UCK2: variants seen among roughly 807,000 people sequenced by gnomAD.
UCK2 encodes the protein cytidine monophosphokinase 2.
UCK2 carries 6 observed loss-of-function variants against 30.8 expected under a neutral mutation model. The observed-to-expected ratio is 0.19, with a 90% confidence interval of 0.11 to 0.38. The LOEUF (loss-of-function observed/expected upper bound fraction) is 0.38, where lower values mean the gene tolerates loss of function less well. Among genes scored for constraint, UCK2 ranks in the 10% least tolerant of loss-of-function variants. UCK2 has a pLI of 1.00. For synonymous variants in UCK2, 125 were observed against 133.6 expected (o/e 0.94, Z 0.45); for missense variants, 210 against 339.8 (o/e 0.62, Z 3.00).
At chr1:165,861,386 T>C (rs1253921469) in intron 1 of UCK2, among the ~76,000 whole-genome samples, 1 of 151,986 alleles carries the variant, frequency 6.6e-6, no homozygotes, top group East Asian at 1.9e-4. Flanking sequence ...CCCAGCACTT[T>C]GGGAGGCCGA....
chr1:165,828,312 C>T lies in UCK2; in HGVS notation c.99+380C>T, dbSNP rs115817317. ...TTTCCGCAGGATCCCCCACTAACCC[C>T]CGATGGACTCCCTCAAGCCCCGGTC... On this transcript the variant is annotated intron_variant, in intron 1 of 6. Transcript: ENST00000367879. Among the ~76,000 whole-genome samples, 1,516 of 152,286 alleles carry T rather than the reference C, an allele frequency of 1.0e-2. 18 individuals are homozygous for T. The highest frequency in any genetic ancestry group is 0.034 in the African/African-American group (1,412 of 41,568).
intron 1 of UCK2, among the ~76,000 whole-genome samples, chr1:165,862,782 A>G (rs1654951351): frequency 6.6e-6 from 1 of 152,188 alleles, no homozygotes; most frequent in African/African-American, 2.4e-5. Flanking sequence ...TGAGAATTTT[A>G]AAAAGTTCCC....
Position 165,909,261 on chromosome 1 carries a change from C to T in UCK2, c.*1438C>T, listed in dbSNP as rs506813. ...TGAAGGAGTTCTGATTATAGAGTCC[C>T]GAGCCTCAGTTTCTGACTGCAGAAG... On this transcript the variant is annotated 3_prime_UTR_variant, in exon 7 of 7. Coordinates refer to ENST00000367879, the MANE Select transcript of UCK2 (RefSeq NM_012474.5). 14,364 of 151,988 alleles carry T rather than the reference C, an allele frequency of 0.095. 951 individuals carry two copies. The highest frequency in any genetic ancestry group is 0.28 in the East Asian group (1,463 of 5,138). 9.4% of individuals were successfully genotyped at this position (151,988 alleles called of 1,614,324 possible).
intron 1 of UCK2, among the ~76,000 whole-genome samples, chr1:165,853,030 G>A (rs1014920252): frequency 6.6e-6 from 1 of 151,502 alleles, no homozygotes; most frequent in Non-Finnish European, 1.5e-5. Context: ...TACTTGTCAT[G>A]TGAATATCAA....
rs574888563 is a variant in UCK2, at chr1:165,850,679, C to T, written c.99+22747C>T. 1.9e-3 allele frequency among the ~76,000 whole-genome samples: 281 copies of T among 145,984 alleles called. 3 individuals are homozygous for T. Among genetic ancestry groups the T allele is most frequent in the African/African-American group, 7.1e-3 (277 of 39,092 alleles). On this transcript the variant is annotated intron_variant, in intron 1 of 6. Coordinates refer to ENST00000367879, the MANE Select transcript of UCK2 (RefSeq NM_012474.5). ...TGTTGCCCAGGCTGGAGTGCAGTGG[C>T]GAGATCTTGGCCCACTGCAAGCTCC...
chr1:165,907,915 T>C lies in UCK2; in HGVS notation c.*92T>C. The C allele has an allele frequency of 6.8e-7, 1 of 1,463,876 alleles. No homozygotes were observed. Among genetic ancestry groups the C allele is most frequent in the Non-Finnish European group, 9.1e-7 (1 of 1,097,938 alleles). The allele number at this position is 1,463,876 out of a possible 1,614,324, so 90.7% of individuals were successfully genotyped here. A position where few individuals can be genotyped will look rare whatever the true frequency, so the allele number is the denominator to read the frequency against. Reference sequence around the variant, plus strand: ...TCTGTACATACTGTTTCCTATGACATTACTGTATTTAAGAAAACACCATGG... The same window carrying C: ...TCTGTACATACTGTTTCCTATGACACTACTGTATTTAAGAAAACACCATGG... On this transcript the variant is annotated 3_prime_UTR_variant, in exon 7 of 7. Coordinates refer to ENST00000367879, the MANE Select transcript of UCK2 (RefSeq NM_012474.5).
chr1:165,905,150 T>C (rs1344909584), intron 5 of UCK2, among the ~76,000 whole-genome samples: 3 of 152,222 alleles, frequency 2.0e-5, no homozygotes, highest in African/African-American at 7.2e-5. Flanking sequence ...GACCATGTTC[T>C]CTGCATAGGT....
At chr1:165,891,421 C>A in intron 3 of UCK2, 99 bp downstream of exon 3, 1 of 1,070,986 alleles carries the variant, frequency 9.3e-7, no homozygotes, top group South Asian at 1.4e-5. Flanking sequence ...CACTTCAGAC[C>A]TCTGTCCTAC....
At chr1:165,847,373 G>GT (rs201640158) in intron 1 of UCK2, among the ~76,000 whole-genome samples, 2,782 of 152,234 alleles carry the variant, frequency 0.018, 43 homozygotes, top group Middle Eastern at 0.031. Context: ...TCTTATGATG[G>GT]TGGTGGTATT....
intron 3 of UCK2, chr1:165,892,653 T>C (rs1655800944): frequency 1.3e-5 from 2 of 152,194 alleles, no homozygotes; most frequent in African/African-American, 4.8e-5. Context: ...TGGTGTCACG[T>C]TGACAAGAGA....
chr1:165,877,827 T>A (rs1352015534), intron 1 of UCK2, among the ~76,000 whole-genome samples: 1 of 152,212 alleles, frequency 6.6e-6, no homozygotes, highest in African/African-American at 2.4e-5. Flanking sequence ...TAATATGCTT[T>A]TTTTAAAGAG....
chr1:165,872,064 T>C (rs1280530977), intron 1 of UCK2, among the ~76,000 whole-genome samples: 3 of 151,286 alleles, frequency 2.0e-5, no homozygotes, highest in Non-Finnish European at 4.4e-5. Context: ...CTCTAGCCAG[T>C]TTACTTATTT....
intron 1 of UCK2, among the ~76,000 whole-genome samples, chr1:165,873,766 A>G (rs747483820): frequency 6.6e-6 from 1 of 152,098 alleles, no homozygotes; most frequent in Non-Finnish European, 1.5e-5. Flanking sequence ...TTTGGGCCTT[A>G]GTGCCGAGAC....
intron 1 of UCK2, among the ~76,000 whole-genome samples, chr1:165,841,755 G>A (rs145664587): frequency 3.7e-4 from 57 of 152,242 alleles, no homozygotes; most frequent in African/African-American, 9.4e-4. Flanking sequence ...GTTTTTAAGC[G>A]TCTGCCAAAC....
At chr1:165,880,000 G>A (rs1268527432) in intron 1 of UCK2, among the ~76,000 whole-genome samples, 2 of 152,168 alleles carry the variant, frequency 1.3e-5, no homozygotes, top group African/African-American at 4.8e-5. Flanking sequence ...TAACTAGACA[G>A]TCTGATTTCT....
chr1:165,843,752 G>T (rs915467041), intron 1 of UCK2, among the ~76,000 whole-genome samples: 10 of 152,154 alleles, frequency 6.6e-5, no homozygotes, highest in African/African-American at 2.4e-4. Flanking sequence ...AAAAACAGGA[G>T]AACAACCTTT....
At chr1:165,897,654 T>C (rs965777180) in intron 4 of UCK2, among the ~76,000 whole-genome samples, 6 of 152,172 alleles carry the variant, frequency 3.9e-5, no homozygotes, top group Non-Finnish European at 8.8e-5. Flanking sequence ...AATTTTCTCT[T>C]TTCGGTTCAT....
Position 165,836,262 on chromosome 1 carries a change from T to C in UCK2, c.99+8330T>C, listed in dbSNP as rs190981983. 4.7e-3 allele frequency among the ~76,000 whole-genome samples: 707 copies of C among 151,182 alleles called. 4 individuals are homozygous for C. The highest frequency in any genetic ancestry group is 7.5e-3 in the Non-Finnish European group (513 of 67,970). On this transcript the variant is annotated intron_variant, in intron 1 of 6. Transcript: ENST00000367879. ...AAACAAAACAAAAAAAACAACCAAA[T>C]GGATATGTTATACATTTTTTTGAAG...
intron 1 of UCK2, among the ~76,000 whole-genome samples, chr1:165,849,876 C>G (rs1654544658): frequency 6.6e-6 from 1 of 152,100 alleles, no homozygotes; most frequent in Non-Finnish European, 1.5e-5. Context: ...ATTTTTCACC[C>G]AGCTCTTAAA....
Sources: gnomAD v4.1 joint callset for allele counts (sites outside exome capture counted in the v4.1 genomes callset) on GRCh38, gnomAD v4.1.1 for gene constraint, MANE v1.5 for transcripts, NCBI Gene and HGNC (gene_info 2026-07-23, HGNC 2026-07-21) for gene names.